The following SPTAN1 variants were observed in gnomAD, a reference collection of about 807,000 sequenced individuals.
SPTAN1 encodes spectrin alpha chain, non-erythrocytic 1.
A neutral mutation model predicts 331.3 loss-of-function variants in SPTAN1; 61 were observed. The observed-to-expected ratio is 0.18, with a 90% CI of 0.15 to 0.23. The LOEUF (loss-of-function observed/expected upper bound fraction) is 0.23. Ranked by LOEUF, SPTAN1 falls within the 10% of genes least tolerant of loss-of-function variation. The pLI, the probability that SPTAN1 is intolerant of heterozygous loss-of-function variation, is 1.00. For synonymous variants in SPTAN1, 1,153 were observed against 1,173.9 expected, an observed-to-expected ratio of 0.98 and a Z score of 0.36; for missense variants, 2,043 against 3,147.9, an observed-to-expected ratio of 0.65 and a Z score of 8.40.
intron 24 of SPTAN1, among the ~76,000 whole-genome samples, chr9:128,594,845 T>C (rs1726536259): frequency 6.6e-6 from 1 of 150,468 alleles, no homozygotes; most frequent in African/African-American, 2.4e-5. Context: ...TTTTTCCTTT[T>C]GAGACAGAGT....
At chr9:128,604,638 T>TA (rs1855585366) in intron 29 of SPTAN1, among the ~76,000 whole-genome samples, 1 of 152,216 alleles carries the variant, frequency 6.6e-6, no homozygotes, top group African/African-American at 2.4e-5. Context: ...GTCAGCTAAA[T>TA]AAATTTTTTT....
intron 31 of SPTAN1, among the ~76,000 whole-genome samples, chr9:128,606,625 A>G (rs929053713): frequency 6.6e-6 from 1 of 151,342 alleles, no homozygotes; most frequent in Non-Finnish European, 1.5e-5. Flanking sequence ...CTGGGATCAC[A>G]GGCATGCACC....
intron 45 of SPTAN1, among the ~76,000 whole-genome samples, chr9:128,623,396 A>C (rs545775956): frequency 6.6e-6 from 1 of 151,798 alleles, no homozygotes; most frequent in East Asian, 1.9e-4. Context: ...GATATGATTC[A>C]GTTTTTTTCT....
chr9:128,591,400 G>A, intron 21 of SPTAN1, 77 bp from the exon 22 acceptor site: 1 of 1,580,408 alleles, frequency 6.3e-7, no homozygotes. Flanking sequence ...TCTCGTGTGT[G>A]TGTATACACG....
chr9:128,614,436 C>CA lies in SPTAN1; in HGVS notation c.5148+957dup, dbSNP rs930213563. Among the ~76,000 whole-genome samples the CA allele has an allele frequency of 3.3e-5, 5 of 151,232 alleles. No homozygotes were observed. The South Asian group carries it at 6.3e-4, about 19-fold the overall frequency. ...GTGAAACCCCGTTTCTACTGAAATA[C>CA]AAAAAATTAGCAGGGCGTGGCATGT... On this transcript the variant is annotated intron_variant, in intron 40 of 56. Coordinates refer to ENST00000372739, the MANE Select transcript of SPTAN1 (RefSeq NM_001130438.3).
chr9:128,562,582 G>A (rs1018893925), intron 1 of SPTAN1, among the ~76,000 whole-genome samples: 3 of 152,136 alleles, frequency 2.0e-5, no homozygotes, highest in Non-Finnish European at 4.4e-5. Flanking sequence ...GTGAAGTCTT[G>A]TTTACCTTGT....
In SPTAN1 at chr9:128,631,875, C is replaced by T. The variant is rs1564328895; in HGVS notation, c.6763-252C>T. The T allele has an allele frequency of 7.3e-6, 4 of 547,106 alleles. No individual in the cohort carries two copies. The East Asian group carries it at 1.3e-4, about 17-fold the overall frequency. 33.9% of individuals were successfully genotyped at this position (547,106 alleles called of 1,614,324 possible). On this transcript the variant is annotated intron_variant, in intron 52 of 56. Coordinates refer to ENST00000372739, the MANE Select transcript of SPTAN1 (RefSeq NM_001130438.3). Reference sequence around the variant, plus strand: ...TCCTGGAGTCCTCGCCGTACTTGTCCTTGGCGTGCACTGCCCTCTGGCAGG... The same window carrying T: ...TCCTGGAGTCCTCGCCGTACTTGTCTTTGGCGTGCACTGCCCTCTGGCAGG...
intron 24 of SPTAN1, among the ~76,000 whole-genome samples, chr9:128,597,699 A>C (rs896462696): frequency 6.6e-6 from 1 of 152,160 alleles, no homozygotes; most frequent in Non-Finnish European, 1.5e-5. Flanking sequence ...CCCAGGATGG[A>C]GTGCAGTGGC....
At chr9:128,555,486 T>C in intron 1 of SPTAN1, 1 of 1,110,068 alleles carries the variant, frequency 9.0e-7, no homozygotes, top group Non-Finnish European at 1.2e-6. Context: ...AGAGGTTGAA[T>C]GATCCAAAGA....
In SPTAN1 at chr9:128,568,882, A is replaced by G. The variant is rs776675967; in HGVS notation, c.348A>G (p.Ala116=). 4 of 1,614,054 alleles carry G rather than the reference A, an allele frequency of 2.5e-6. No individual in the cohort carries two copies. In the African/African-American group the frequency reaches 4.0e-5, roughly 16 times the overall value. ...TGATGATCTCAGAAGGGCATTTTGC[A>G]TCTGAAACCATACGGGTGAGTATGA... is the stretch of plus-strand genomic sequence containing the variant. The part of the protein sequence containing the change: ...GNLMISEGHF[A]SETIRTRLME... Residue 116 remains alanine, a synonymous_variant, in exon 3 of 57, where the codon GCA becomes GCG. Transcript: ENST00000372739.
chr9:128,555,643 T>TA (rs1848556003), intron 1 of SPTAN1, among the ~76,000 whole-genome samples: 1 of 146,188 alleles, frequency 6.8e-6, no homozygotes, highest in Non-Finnish European at 1.5e-5. Flanking sequence ...TTTTTTTTTT[T>TA]AACCTCCCTC....
At chr9:128,631,992 C>T in intron 52 of SPTAN1, 135 bp from the exon 53 acceptor site, 1 of 861,024 alleles carries the variant, frequency 1.2e-6, no homozygotes, top group Non-Finnish European at 1.8e-6. Context: ...CCCACTATTC[C>T]TATTCTAGAA....
chr9:128,574,095 C>A (rs1381182613), intron 3 of SPTAN1, among the ~76,000 whole-genome samples: 1 of 152,138 alleles, frequency 6.6e-6, no homozygotes, highest in Non-Finnish European at 1.5e-5. Context: ...TGTTGTGCCT[C>A]ATAGTTTTTA....
chr9:128,578,611 A>T (rs1431334084), intron 9 of SPTAN1, among the ~76,000 whole-genome samples: 1 of 152,132 alleles, frequency 6.6e-6, no homozygotes, highest in Non-Finnish European at 1.5e-5. Flanking sequence ...CGGGTGGATC[A>T]TGAGGTCAAG....
At chr9:128,584,587 G>A (rs1852341694) in intron 17 of SPTAN1, 62 bp downstream of exon 17, 1 of 1,613,826 alleles carries the variant, frequency 6.2e-7, no homozygotes, top group Non-Finnish European at 8.5e-7. Context: ...GTAGCATAAA[G>A]GGGATGCATG....
intron 40 of SPTAN1, among the ~76,000 whole-genome samples, chr9:128,615,178 G>A (rs1034201372): frequency 6.6e-6 from 1 of 152,084 alleles, no homozygotes; most frequent in African/African-American, 2.4e-5. Context: ...ATTCTGGACC[G>A]AGTATCTGTG....
intron 24 of SPTAN1, among the ~76,000 whole-genome samples, chr9:128,594,804 C>CTTTTTTTTTTTTTTTTTTAA (rs34874862): frequency 1.1e-5 from 1 of 90,560 alleles, no homozygotes; most frequent in East Asian, 3.2e-4. Context: ...ATGTATGTAG[C>CTTTTTTTTTTTTTTTTTTAA]TTTTTTTTTT....
intron 52 of SPTAN1, 176 bp from the exon 53 acceptor site, chr9:128,631,951 G>T: frequency 1.5e-6 from 1 of 654,382 alleles, no homozygotes; most frequent in Non-Finnish European, 2.6e-6. Context: ...CCTCTATTGA[G>T]GTGGTTGGGA....
rs751012803 is a variant in SPTAN1 at position 128,625,168 on chromosome 9, C to T, written c.6058C>T (p.Leu2020Phe). The T allele has an allele frequency of 3.7e-6, 6 of 1,614,032 alleles. No individual in the cohort carries two copies. Among genetic ancestry groups the T allele is most frequent in the Non-Finnish European group, 5.1e-6 (6 of 1,180,034 alleles). ...AGACCTGTCTTCTGTGCAGACGCTC[C>T]TCACCAAACAGGTCTGCCCTGGCCC... is the stretch of plus-strand genomic sequence containing the variant. ...GRDLSSVQTL[L>F]TKQETFDAGL... Residue 2020 changes from leucine to phenylalanine, a missense_variant, in exon 47 of 57, where the codon CTC (leucine) becomes TTC (phenylalanine). By Grantham distance (22) the Leu-to-Phe change is conservative. Around this residue, in one of 12 missense-constraint regions of SPTAN1, gnomAD observed 256 missense variants for 376.4 expected, o/e 0.68. Coordinates refer to ENST00000372739, the MANE Select transcript of SPTAN1 (RefSeq NM_001130438.3). This position sits in a 1 kb window ranked among gnomAD's most constrained non-coding sequence, Gnocchi z 4.1.
Sources: gnomAD v4.1 joint callset for allele counts (sites outside exome capture counted in the v4.1 genomes callset) on GRCh38, gnomAD v4.1.1 for gene constraint, gnomAD v4.1.1 regional missense constraint, Gnocchi (gnomAD v3.1) non-coding constraint, MANE v1.5 for transcripts, NCBI Gene and HGNC (gene_info 2026-07-23, HGNC 2026-07-21) for gene names.